Variants in RBM27 observed in about 807,000 individuals in gnomAD.
RBM27 encodes the protein RNA-binding protein 27.
RBM27 carries 22 observed loss-of-function variants against 135.3 expected under a neutral mutation model. The observed-to-expected ratio is 0.16, with a 90% CI of 0.12 to 0.23. RBM27 has a LOEUF of 0.23. Ranked by LOEUF, RBM27 falls within the 10% of genes least tolerant of loss-of-function variation. RBM27 has a pLI of 1.00. For synonymous variants in RBM27, 481 were observed against 442.4 expected (o/e 1.09, Z -1.10); for missense variants, 1,009 against 1,281.0 (o/e 0.79, Z 3.24).
intron 19 of RBM27, 101 bp from the exon 20 acceptor site, chr5:146,284,521 C>G: frequency 1.3e-6 from 1 of 769,388 alleles, no homozygotes. Flanking sequence ...TAACAGATTT[C>G]TCTCCTGCCC....
intron 19 of RBM27, among the ~76,000 whole-genome samples, chr5:146,281,956 T>G (rs1489812122): frequency 6.6e-6 from 1 of 151,940 alleles, no homozygotes; most frequent in Non-Finnish European, 1.5e-5. Flanking sequence ...CCATTTTTAT[T>G]ACTATATAAT....
chr5:146,259,356 T>C (rs997058549), intron 11 of RBM27, among the ~76,000 whole-genome samples: 1 of 151,296 alleles, frequency 6.6e-6, no homozygotes, highest in Non-Finnish European at 1.5e-5. Flanking sequence ...AATACAAAAT[T>C]AGCCAGGTGT....
intron 11 of RBM27, among the ~76,000 whole-genome samples, chr5:146,259,942 C>T (rs1299763217): frequency 1.5e-5 from 2 of 131,324 alleles, no homozygotes; most frequent in African/African-American, 3.0e-5. Flanking sequence ...CACTGCAGTC[C>T]GCAGTCCGGC....
rs562669889 is a variant in RBM27, at chr5:146,257,965, C to T, written c.1595-484C>T. 6.6e-5 allele frequency among the ~76,000 whole-genome samples: 10 copies of T among 152,280 alleles called. No homozygotes were observed. In the South Asian group the frequency reaches 8.3e-4, roughly 13 times the overall value. On this transcript the variant is annotated intron_variant, in intron 10 of 20. Transcript: ENST00000265271. The stretch of plus-strand genomic sequence containing the variant: ...CCGAGTAGCTGGGATTACAGGCATG[C>T]ACCACCATGTCTGGCTAATTTTTTT...
chr5:146,251,990 A>C, intron 9 of RBM27, 115 bp downstream of exon 9: 29 of 1,179,242 alleles, frequency 2.5e-5, no homozygotes, highest in Non-Finnish European at 3.1e-5. Context: ...ATTAAAGCTC[A>C]TAGGTAGTTT....
chr5:146,228,996 T>C lies in RBM27; in HGVS notation c.354T>C (p.Tyr118=), dbSNP rs1296326915. 27 of 1,613,652 alleles carry C rather than the reference T, an allele frequency of 1.7e-5. No individual in the cohort carries two copies. The highest frequency in any genetic ancestry group is 2.3e-5 in the Non-Finnish European group (27 of 1,179,812). Residue 118 remains tyrosine (Y), a synonymous_variant, in exon 4 of 21, where the codon TAT becomes TAC. Coordinates refer to ENST00000265271, the MANE Select transcript of RBM27 (RefSeq NM_018989.2). ...EEERDGRKKK[Y]PSPQKTRSES... Reference sequence around the variant, plus strand: ...AACGAGATGGCAGAAAAAAGAAATATCCTAGTCCCCAGAAGACTCGTTCAG... The same window carrying C: ...AACGAGATGGCAGAAAAAAGAAATACCCTAGTCCCCAGAAGACTCGTTCAG...
At chr5:146,233,915 A>G (rs1300349901) in intron 7 of RBM27, among the ~76,000 whole-genome samples, 172 bp downstream of exon 7, 1 of 152,154 alleles carries the variant, frequency 6.6e-6, no homozygotes, top group Non-Finnish European at 1.5e-5. Flanking sequence ...CCGTTATTGC[A>G]TGATGTTATT....
At position 146,251,729 on chromosome 5, in the gene RBM27, G is replaced by T; in HGVS notation, c.1298G>T (p.Arg433Leu). 6 of 1,612,130 alleles carry T rather than the reference G, an allele frequency of 3.7e-6. No homozygotes were observed. The highest frequency in any genetic ancestry group is 5.1e-6 in the Non-Finnish European group (6 of 1,178,252). Residue 433 changes from arginine (R) to leucine (L), a missense_variant, in exon 9 of 21, where the codon CGT (arginine) becomes CTT (leucine). Arg to Leu is a moderately radical substitution (Grantham distance 102). Around this residue, in one of 6 missense-constraint regions of RBM27, gnomAD observed 329 missense variants for 368.1 expected, o/e 0.89. Transcript: ENST00000265271. The part of the protein sequence containing the change: ...TVSERQPMYS[R>L]EHGAAASERL... ...TCTATAGGACAGCCCATGTACTCTC[G>T]TGAACATGGTGCTGCTGCATCTGAG...
chr5:146,261,467 A>G (rs748098128), intron 12 of RBM27, 43 bp from the exon 13 acceptor site: 3 of 1,527,598 alleles, frequency 2.0e-6, no homozygotes, highest in Non-Finnish European at 2.7e-6. Context: ...TTATTTAACT[A>G]TTTTCTGTTT....
chr5:146,284,916 G>T (rs888722290), intron 20 of RBM27, among the ~76,000 whole-genome samples, 184 bp downstream of exon 20: 2 of 151,804 alleles, frequency 1.3e-5, no homozygotes, highest in Non-Finnish European at 2.9e-5. Flanking sequence ...CTGTGTTAGG[G>T]GTTATTTTCT....
Position 146,263,649 on chromosome 5 carries a change from C to T in RBM27, c.2331+18C>T. On this transcript the variant is annotated intron_variant, in intron 14 of 20. Transcript: ENST00000265271. ...ATTGCCAGGTATGCATTTTTGGGAG[C>T]TTCAGATATATTTAGAATCATTCAG... 1.9e-6 allele frequency: 3 copies of T among 1,611,938 alleles called. No homozygotes were observed. Among genetic ancestry groups the T allele is most frequent in the Non-Finnish European group, 2.5e-6 (3 of 1,179,072 alleles).
rs1176803281 is a variant in RBM27, at chr5:146,284,752, A to G, written c.3099+20A>G. ...GAGGAGGTAAATTTAGTGGTTGGAA[A>G]TAAGAGTTGAATTAGATCACTTCTC... On this transcript the variant is annotated intron_variant, in intron 20 of 20. Coordinates refer to ENST00000265271, the MANE Select transcript of RBM27 (RefSeq NM_018989.2). The G allele has an allele frequency of 7.0e-7, 1 of 1,424,030 alleles. No homozygotes were observed. The highest frequency in any genetic ancestry group is 1.2e-5 in the South Asian group (1 of 84,842). The allele number at this position is 1,424,030 out of a possible 1,614,324, so 88.2% of individuals were successfully genotyped here.
intron 9 of RBM27, among the ~76,000 whole-genome samples, chr5:146,252,258 T>C (rs1757921930): frequency 6.6e-6 from 1 of 152,250 alleles, no homozygotes; most frequent in Non-Finnish European, 1.5e-5. Context: ...ACATCTGGTT[T>C]CTTGCCGATC....
intron 11 of RBM27, among the ~76,000 whole-genome samples, chr5:146,259,883 G>A (rs1758307461): frequency 7.0e-6 from 1 of 142,976 alleles, no homozygotes; most frequent in Non-Finnish European, 1.5e-5. Context: ...TGAGGCAGGA[G>A]AATGGCGTGA....
chr5:146,248,234 G>GTTTTTTTTTTT (rs371306680), intron 8 of RBM27, among the ~76,000 whole-genome samples: 2 of 134,708 alleles, frequency 1.5e-5, no homozygotes, highest in South Asian at 2.4e-4. Context: ...GCTTCTGCTA[G>GTTTTTTTTTTT]TTTTTTTTTT....
At chr5:146,270,745 G>C (rs1758826814) in intron 17 of RBM27, among the ~76,000 whole-genome samples, 1 of 152,060 alleles carries the variant, frequency 6.6e-6, no homozygotes, top group African/African-American at 2.4e-5. Flanking sequence ...GCCGTCTAAT[G>C]CTTACTCTTT....
chr5:146,261,695 A>G lies in RBM27; in HGVS notation c.2079A>G (p.Gln693=). 2.5e-6 allele frequency: 4 copies of G among 1,614,190 alleles called. No homozygotes were observed. The highest frequency in any genetic ancestry group is 2.2e-5 in the South Asian group (2 of 91,086). Residue 693 remains glutamine (Q), a synonymous_variant, in exon 13 of 21, where the codon CAA becomes CAG. Coordinates refer to ENST00000265271, the MANE Select transcript of RBM27 (RefSeq NM_018989.2). ...SSAQLLLQQQ[Q]TLSHLSQQHH... ...CACAGCTGCTCCTGCAACAACAGCAAACACTTAGTCACCTCTCACAGCAGC... is the reference window on the plus strand; with the variant it reads ...CACAGCTGCTCCTGCAACAACAGCAGACACTTAGTCACCTCTCACAGCAGC...
intron 9 of RBM27, among the ~76,000 whole-genome samples, chr5:146,252,154 T>C (rs193070120): frequency 6.6e-6 from 1 of 152,330 alleles, no homozygotes; most frequent in African/African-American, 2.4e-5. Context: ...TCTAATCAGG[T>C]AGATAGAAAG....
chr5:146,211,617 G>A (rs190123177), intron 1 of RBM27, among the ~76,000 whole-genome samples: 1 of 151,782 alleles, frequency 6.6e-6, no homozygotes, highest in Non-Finnish European at 1.5e-5. Flanking sequence ...GAGTAGCTGG[G>A]ATTACGGGCA....
Sources: allele counts gnomAD v4.1 joint callset (sites outside exome capture counted in the v4.1 genomes callset), GRCh38; gene constraint gnomAD v4.1.1; regional missense constraint gnomAD v4.1.1; transcripts MANE v1.5; gene names NCBI Gene and HGNC (gene_info 2026-07-23, HGNC 2026-07-21).